ATG7: variants seen among roughly 807,000 people sequenced by gnomAD.
The protein encoded by ATG7 is autophagy related 7.
A neutral mutation model predicts 82.4 loss-of-function variants in ATG7; 70 were observed. The ratio of observed to expected loss-of-function variants is 0.85; its 90% CI spans 0.70 to 1.04. ATG7 has a LOEUF of 1.04. Ranked by LOEUF, ATG7 falls within the 50% of genes least tolerant of loss-of-function variation. The pLI, the probability that ATG7 is intolerant of heterozygous loss-of-function variation, is 0.00. For synonymous variants in ATG7, 287 were observed against 313.0 expected, an observed-to-expected ratio of 0.92 and a Z score of 0.88; for missense variants, 792 against 864.3, an observed-to-expected ratio of 0.92 and a Z score of 1.05.
intron 20 of ATG7, among the ~76,000 whole-genome samples, chr3:11,522,925 A>G (rs1230047294): frequency 6.6e-6 from 1 of 152,184 alleles, no homozygotes; most frequent in Non-Finnish European, 1.5e-5. Context: ...GCCACCTACC[A>G]GCCGCATGAC....
intron 20 of ATG7, among the ~76,000 whole-genome samples, chr3:11,534,018 C>T (rs2092741702): frequency 6.6e-6 from 1 of 152,218 alleles, no homozygotes; most frequent in African/African-American, 2.4e-5. Context: ...AATTTCAGCA[C>T]TTGTGAGCCG....
At chr3:11,396,224 A>G (rs1032465477) in intron 19 of ATG7, among the ~76,000 whole-genome samples, 10 of 152,154 alleles carry the variant, frequency 6.6e-5, no homozygotes, top group Non-Finnish European at 8.8e-5. Context: ...AGGCAAGCGC[A>G]TCACTTGAGG....
the ATG7 span, among the ~76,000 whole-genome samples, chr3:11,573,368 A>G: frequency 2.2e-3 from 316 of 142,344 alleles, 2 homozygotes; most frequent in Non-Finnish European, 3.5e-3. Context: ...AGAAAGAAAG[A>G]AAGAAAGAAA....
rs191002259 is a variant in ATG7 at position 11,553,245 on chromosome 3, C to T, written c.2080-1566C>T. Among the ~76,000 whole-genome samples the T allele has an allele frequency of 5.3e-5, 8 of 151,088 alleles. No homozygotes were observed. In the East Asian group the frequency reaches 1.4e-3, roughly 26 times the overall value. ...TGTGATCTCAGGCCAATTGCCTTAC[C>T]TCTCTGGGCTTGTTTCCATCTTCAC... On this transcript the variant is annotated intron_variant, in intron 20 of 20. Transcript: ENST00000693202.
At chr3:11,550,480 C>T (rs1378595199) in intron 20 of ATG7, among the ~76,000 whole-genome samples, 7 of 152,132 alleles carry the variant, frequency 4.6e-5, no homozygotes, top group Admixed American at 6.5e-5. Flanking sequence ...CAGCTCACTG[C>T]GGCCTCTACC....
intron 20 of ATG7, among the ~76,000 whole-genome samples, chr3:11,466,606 T>A (rs977493985): frequency 6.6e-6 from 1 of 152,224 alleles, no homozygotes; most frequent in African/African-American, 2.4e-5. Context: ...ATAAGTTCCA[T>A]TATTTACAAC....
chr3:11,561,961 G>A (rs1335087264), downstream of ATG7, among the ~76,000 whole-genome samples: 7 of 143,556 alleles, frequency 4.9e-5, no homozygotes, highest in South Asian at 2.2e-4. Flanking sequence ...GTGCAGTGAC[G>A]CGATCTTGGC....
downstream of ATG7, among the ~76,000 whole-genome samples, chr3:11,560,571 GTGAT>G (rs1236380007): frequency 1.3e-5 from 2 of 152,224 alleles, no homozygotes; most frequent in African/African-American, 4.8e-5. Flanking sequence ...ATAGACGACA[GTGAT>G]TGGGAATGGT....
chr3:11,488,991 C>T (rs2090065237), intron 20 of ATG7, among the ~76,000 whole-genome samples: 1 of 152,048 alleles, frequency 6.6e-6, no homozygotes, highest in Admixed American at 6.6e-5. Flanking sequence ...CCAGTTCCTC[C>T]TTGTACCTCT....
At chr3:11,497,531 A>AC (rs1162254195) in intron 20 of ATG7, among the ~76,000 whole-genome samples, 1 of 127,962 alleles carries the variant, frequency 7.8e-6, no homozygotes, top group Non-Finnish European at 1.7e-5. Flanking sequence ...GCGAGACTCC[A>AC]CCAAAAAAAA....
chr3:11,273,872 T>C (rs2152609568), intron 1 of ATG7, among the ~76,000 whole-genome samples: 1 of 152,096 alleles, frequency 6.6e-6, no homozygotes, highest in African/African-American at 2.4e-5. Context: ...GGGGGAAGCA[T>C]AAAAGCTAGC....
intron 20 of ATG7, among the ~76,000 whole-genome samples, chr3:11,507,094 C>A (rs2091773648): frequency 6.6e-6 from 1 of 152,036 alleles, no homozygotes; most frequent in Admixed American, 6.5e-5. Flanking sequence ...CAGCCAGGCC[C>A]AACATAGTGA....
the ATG7 span, among the ~76,000 whole-genome samples, chr3:11,566,109 C>T: frequency 1.3e-4 from 20 of 152,368 alleles, no homozygotes; most frequent in East Asian, 1.5e-3. Flanking sequence ...GGTGAAGCAG[C>T]AGCCACAGCC....
intron 19 of ATG7, among the ~76,000 whole-genome samples, chr3:11,422,364 C>T (rs1451036721): frequency 2.0e-5 from 3 of 152,204 alleles, no homozygotes. Context: ...TGCTGCTTCG[C>T]CTCTCACTTT....
chr3:11,526,518 C>T (rs1389446799), intron 20 of ATG7, among the ~76,000 whole-genome samples: 1 of 152,156 alleles, frequency 6.6e-6, no homozygotes, highest in African/African-American at 2.4e-5. Flanking sequence ...AGCAATGTCC[C>T]TGATTCTACT....
intron 9 of ATG7, 33 bp downstream of exon 9, chr3:11,315,526 T>C (rs1949277092): frequency 2.0e-6 from 3 of 1,507,810 alleles, no homozygotes; most frequent in East Asian, 2.4e-5. Context: ...TTTTATTATA[T>C]AGTTTTTTAA....
intron 18 of ATG7, among the ~76,000 whole-genome samples, chr3:11,376,977 C>T (rs983492461): frequency 6.6e-6 from 1 of 152,106 alleles, no homozygotes; most frequent in East Asian, 1.9e-4. Context: ...CTGACCTCAT[C>T]ATCCGCCCTC....
At chr3:11,368,742 A>G (rs1357597526) in intron 18 of ATG7, among the ~76,000 whole-genome samples, 1 of 143,814 alleles carries the variant, frequency 7.0e-6, no homozygotes, top group Non-Finnish European at 1.5e-5. Context: ...TGTCTCAAAA[A>G]AAAAAAAAAA....
chr3:11,548,912 C>T (rs979758029), intron 20 of ATG7, among the ~76,000 whole-genome samples: 2 of 152,222 alleles, frequency 1.3e-5, no homozygotes, highest in Non-Finnish European at 1.5e-5. Context: ...AAAGTTAAGC[C>T]GTAGGAATCG....
Sources: gnomAD v4.1 joint callset for allele counts (sites outside exome capture counted in the v4.1 genomes callset) on GRCh38, gnomAD v4.1.1 for gene constraint, MANE v1.5 for transcripts, NCBI Gene and HGNC (gene_info 2026-07-23, HGNC 2026-07-21) for gene names.